KERA: variants seen among roughly 807,000 people sequenced by gnomAD.
The protein encoded by KERA is keratan sulfate proteoglycan keratocan.
Under a neutral mutation model 26.4 loss-of-function variants are expected in KERA, and 25 were observed. The observed-to-expected ratio is 0.95, with a 90% CI of 0.69 to 1.32. The LOEUF is 1.32. KERA is among the 40% of genes most tolerant of loss of function. The probability of loss-of-function intolerance (pLI) is 0.00; values close to 1 mark genes in which losing one functional copy is unlikely to be tolerated. For missense variants in KERA, 434 were observed against 408.9 expected, an observed-to-expected ratio of 1.06 and a Z score of -0.53; for synonymous variants, 167 against 146.1, an observed-to-expected ratio of 1.14 and a Z score of -1.03.
intron 1 of KERA, 138 bp from the exon 2 acceptor site, chr12:91,056,427 A>G: frequency 1.4e-6 from 1 of 717,300 alleles, no homozygotes; most frequent in Non-Finnish European, 2.4e-6. Context: ...ACAGATCTTA[A>G]TTAATATACA....
intron 1 of KERA, among the ~76,000 whole-genome samples, chr12:91,056,891 G>A (rs1031422702): frequency 3.3e-5 from 5 of 150,698 alleles, no homozygotes; most frequent in Admixed American, 1.3e-4. Context: ...GTTTTTTGAG[G>A]GTGGGGGAAG....
chr12:91,057,506 C>A (rs1363012462), intron 1 of KERA, among the ~76,000 whole-genome samples: 7 of 150,840 alleles, frequency 4.6e-5, no homozygotes, highest in Non-Finnish European at 1.0e-4. Flanking sequence ...AAATGCTGAT[C>A]ATTCAATTTT....
At chr12:91,054,418 A>AT (rs1878939605) in intron 2 of KERA, among the ~76,000 whole-genome samples, 1 of 151,272 alleles carries the variant, frequency 6.6e-6, no homozygotes, top group Non-Finnish European at 1.5e-5. Context: ...CCCCAGAGTT[A>AT]TTTTTAAAGG....
At chr12:91,054,488 G>A (rs1878941107) in intron 2 of KERA, among the ~76,000 whole-genome samples, 1 of 151,236 alleles carries the variant, frequency 6.6e-6, no homozygotes, top group Admixed American at 6.6e-5. Flanking sequence ...TACCCCTGTG[G>A]CTGGACCTAT....
At chr12:91,055,061 T>C (rs1878956473) in intron 2 of KERA, among the ~76,000 whole-genome samples, 1 of 151,202 alleles carries the variant, frequency 6.6e-6, no homozygotes, top group African/African-American at 2.4e-5. Context: ...GTGCCTGGTA[T>C]GGTTTCTTAA....
chr12:91,056,357 A>G, intron 1 of KERA, 68 bp from the exon 2 acceptor site: 1 of 1,248,084 alleles, frequency 8.0e-7, no homozygotes, highest in East Asian at 2.4e-5. Context: ...TTATACATCA[A>G]AATGATCAGT....
rs778354357 is a variant in KERA, at chr12:91,055,659, G to A, written c.623C>T (p.Pro208Leu). ...NMAKNALRNM[P>L]PRLPANTMQL... ...CATTGTATTGGCTGGTAATCTTGGA[G>A]GCATATTCCTCAGGGCATTCTTGGC... The change falls in exon 2 of 3, where the codon CCT (proline) becomes CTT (leucine). Residue 208 changes from proline (P) to leucine (L), a missense_variant. Pro to Leu is a moderately conservative substitution (Grantham distance 98). Transcript: ENST00000266719. 1.1e-5 allele frequency: 18 copies of A among 1,611,110 alleles called. No individual in the cohort carries two copies. The highest frequency in any genetic ancestry group is 1.5e-5 in the Non-Finnish European group (18 of 1,178,178).
intron 2 of KERA, among the ~76,000 whole-genome samples, chr12:91,051,941 T>C (rs1018724112): frequency 2.0e-4 from 31 of 151,574 alleles, no homozygotes; most frequent in Admixed American, 1.5e-3. Flanking sequence ...AGTAGATGGA[T>C]GGATGGATGG....
chr12:91,051,091 T>G lies in KERA; in HGVS notation c.*255A>C. ...TAATAAGCTATGGAAGAGACCAAAA[T>G]AAAACTATCTTTGAGTTGATAAACT... is the stretch of plus-strand genomic sequence containing the variant. On this transcript the variant is annotated 3_prime_UTR_variant, in exon 3 of 3. Coordinates refer to ENST00000266719, the MANE Select transcript of KERA (RefSeq NM_007035.4). 2.3e-6 allele frequency: 1 copy of G among 435,634 alleles called. No homozygotes were observed. The highest frequency in any genetic ancestry group is 4.4e-5 in the East Asian group (1 of 22,514). The allele number at this position is 435,634 out of a possible 1,614,324, so 27.0% of individuals were successfully genotyped here. A position where few individuals can be genotyped will look rare whatever the true frequency, so the allele number is the denominator to read the frequency against.
intron 2 of KERA, among the ~76,000 whole-genome samples, chr12:91,053,566 C>G (rs1412036670): frequency 6.6e-6 from 1 of 151,238 alleles, no homozygotes; most frequent in African/African-American, 2.4e-5. Flanking sequence ...GGGGAGTAAA[C>G]TGTGAGGCCC....
At chr12:91,056,373 T>C in intron 1 of KERA, 84 bp from the exon 2 acceptor site, 1 of 1,113,806 alleles carries the variant, frequency 9.0e-7, no homozygotes, top group Non-Finnish European at 1.3e-6. Flanking sequence ...TCAGTAAACA[T>C]TGCTTCTTCA....
intron 2 of KERA, among the ~76,000 whole-genome samples, chr12:91,052,060 A>G (rs1318357921): frequency 6.6e-6 from 1 of 151,630 alleles, no homozygotes; most frequent in East Asian, 1.9e-4. Context: ...TAAAAGTACA[A>G]TTAACATAAC....
rs746591463 is a variant in KERA at position 91,056,277 on chromosome 12, G to A, written c.5C>T (p.Ala2Val). Residue 2 changes from alanine (A) to valine (V), a missense_variant, in exon 2 of 3, where the codon GCA becomes GTA. By Grantham distance (64) the Ala-to-Val change is moderately conservative (BLOSUM62 0). Transcript: ENST00000266719. M[A>V]GTICFIMWVL... is the part of the protein sequence containing the mutation. ...CCACATGATGAAACAGATTGTGCCT[G>A]CCATTATAGCACCTACAGAAAAAGG... The A allele has an allele frequency of 4.4e-6, 7 of 1,608,154 alleles. No individual in the cohort carries two copies. In the South Asian group the frequency reaches 7.7e-5, roughly 18 times the overall value.
intron 2 of KERA, 54 bp from the exon 3 acceptor site, chr12:91,051,572 GT>G: frequency 7.4e-7 from 1 of 1,354,570 alleles, no homozygotes; most frequent in Non-Finnish European, 1.1e-6. Flanking sequence ...GAAACTAACA[GT>G]GGGAAGACCA....
chr12:91,053,641 T>A (rs1036993211), intron 2 of KERA, among the ~76,000 whole-genome samples: 1 of 151,278 alleles, frequency 6.6e-6, no homozygotes, highest in Non-Finnish European at 1.5e-5. Context: ...TTATAAGATC[T>A]CCAGGTGATT....
chr12:91,055,562 G>A lies in KERA; in HGVS notation c.720C>T (p.Ala240=). 6.2e-7 allele frequency: 1 copy of A among 1,610,648 alleles called. No individual in the cohort carries two copies. The highest frequency in any genetic ancestry group is 1.7e-4 in the Middle Eastern group (1 of 6,040). The change falls in exon 2 of 3, where the codon GCC becomes GCT. Residue 240 remains alanine (A), a synonymous_variant. Coordinates refer to ENST00000266719, the MANE Select transcript of KERA (RefSeq NM_007035.4). ...GTTTGTTGTGATTTAGTCTCAAAAAGGCCACTTTAGGAATCACATTAAAAT... is the reference window on the plus strand; with the variant it reads ...GTTTGTTGTGATTTAGTCTCAAAAAAGCCACTTTAGGAATCACATTAAAAT... ...ENYFNVIPKV[A]FLRLNHNKLS...
At chr12:91,056,995 C>T (rs953720011) in intron 1 of KERA, among the ~76,000 whole-genome samples, 1 of 150,654 alleles carries the variant, frequency 6.6e-6, no homozygotes, top group Non-Finnish European at 1.5e-5. Context: ...CTCTCTCTCT[C>T]TCAGAGAATA....
Position 91,055,514 on chromosome 12 carries a change from T to G in KERA, c.768A>C (p.Ser256=). 1 of 1,610,160 alleles carries G rather than the reference T, an allele frequency of 6.2e-7. No homozygotes were observed. The highest frequency in any genetic ancestry group is 8.5e-7 in the Non-Finnish European group (1 of 1,177,616). The stretch of plus-strand genomic sequence containing the variant: ...GAATTGATGATACATCAAATCCTCT[T>G]GATGGGAGACCCTCATCTGACAGTT... ...HNKLSDEGLP[S]RGFDVSSILD... Residue 256 remains serine, a synonymous_variant, in exon 2 of 3, where the codon TCA becomes TCC. Coordinates refer to ENST00000266719, the MANE Select transcript of KERA (RefSeq NM_007035.4).
chr12:91,057,363 T>C (rs2701161), intron 1 of KERA, among the ~76,000 whole-genome samples: 6 of 49,814 alleles, frequency 1.2e-4, no homozygotes, highest in African/African-American at 1.8e-4. Flanking sequence ...ATACATATGT[T>C]ACATATATAT....
Sources: gnomAD v4.1 joint callset for allele counts (sites outside exome capture counted in the v4.1 genomes callset) on GRCh38, gnomAD v4.1.1 for gene constraint, MANE v1.5 for transcripts, NCBI Gene and HGNC (gene_info 2026-07-23, HGNC 2026-07-21) for gene names.